DYNC1I1: variants seen among roughly 807,000 people sequenced by gnomAD.
DYNC1I1 encodes the protein dynein cytoplasmic 1 intermediate chain 1.
DYNC1I1 carries 43 observed loss-of-function variants against 86.6 expected under a neutral mutation model. The ratio of observed to expected loss-of-function variants is 0.50; its 90% CI spans 0.39 to 0.64. The LOEUF (loss-of-function observed/expected upper bound fraction) is 0.64, where lower values mean the gene tolerates loss of function less well. Ranked by LOEUF, DYNC1I1 falls within the 30% of genes least tolerant of loss-of-function variation. The probability of loss-of-function intolerance (pLI) is 0.00; values close to 1 mark genes in which losing one functional copy is unlikely to be tolerated. For missense variants in DYNC1I1, 604 were observed against 788.8 expected (o/e 0.77, Z 2.81); for synonymous variants, 262 against 283.7 (o/e 0.92, Z 0.77).
At position 95,780,647 on chromosome 7, in the gene DYNC1I1, A is replaced by G. The variant is rs181250297; in HGVS notation, c.-10+7874A>G. On this transcript the variant is annotated intron_variant, in intron 1 of 16. Coordinates refer to ENST00000447467, the MANE Select transcript of DYNC1I1 (RefSeq NM_001135556.2). ...TGAAATAGTACCCATTTCTTTGTCA[A>G]GATGAAGACTTCACTAATTGTAATG... Among the ~76,000 whole-genome samples the G allele has an allele frequency of 2.7e-4, 41 of 152,302 alleles. 1 individual carries two copies. The East Asian group carries it at 6.8e-3, about 25-fold the overall frequency.
At chr7:95,810,884 A>G (rs1181975495) in intron 3 of DYNC1I1, among the ~76,000 whole-genome samples, 1 of 152,152 alleles carries the variant, frequency 6.6e-6, no homozygotes, top group African/African-American at 2.4e-5. Context: ...TTGCCAATCT[A>G]AATACTGTGG....
chr7:96,008,514 G>A (rs1396113828), intron 10 of DYNC1I1, among the ~76,000 whole-genome samples: 1 of 152,096 alleles, frequency 6.6e-6, no homozygotes, highest in African/African-American at 2.4e-5. Flanking sequence ...TCATTTCTCT[G>A]TCGTACTTCA....
intron 16 of DYNC1I1, among the ~76,000 whole-genome samples, chr7:96,090,992 G>C (rs188138433): frequency 6.6e-6 from 1 of 152,136 alleles, no homozygotes; most frequent in Non-Finnish European, 1.5e-5. Context: ...ATGCTTGGTC[G>C]TTCAGTGGCT....
intron 6 of DYNC1I1, among the ~76,000 whole-genome samples, chr7:95,961,806 A>G (rs1356274388): frequency 1.3e-5 from 2 of 152,210 alleles, no homozygotes; most frequent in Non-Finnish European, 2.9e-5. Context: ...CTTATTTTAA[A>G]TGTAGTTGTT....
At chr7:96,081,785 A>G (rs1206210023) in intron 16 of DYNC1I1, among the ~76,000 whole-genome samples, 3 of 152,208 alleles carry the variant, frequency 2.0e-5, no homozygotes, top group Admixed American at 2.0e-4. Context: ...ATGACATATT[A>G]TATACTGCTA....
chr7:96,041,822 GA>G, intron 14 of DYNC1I1, among the ~76,000 whole-genome samples: 1 of 151,878 alleles, frequency 6.6e-6, no homozygotes, highest in Non-Finnish European at 1.5e-5. Context: ...GAAGCTAAAA[GA>G]AAAAAATAAT....
chr7:95,954,418 G>GCATTTC (rs1286149701), intron 6 of DYNC1I1, among the ~76,000 whole-genome samples: 6 of 151,938 alleles, frequency 3.9e-5, no homozygotes, highest in African/African-American at 9.7e-5. Flanking sequence ...ACAACATGGA[G>GCATTTC]CATTTCCATT....
chr7:95,946,862 A>G (rs1792415826), intron 6 of DYNC1I1, among the ~76,000 whole-genome samples: 1 of 152,152 alleles, frequency 6.6e-6, no homozygotes, highest in Non-Finnish European at 1.5e-5. Context: ...TGTGTGCTAT[A>G]GAGAAGAAAA....
rs1584239023 is a variant in DYNC1I1 at position 95,804,847 on chromosome 7, G to T, written c.108+10G>T. 1 of 1,542,032 alleles carries T rather than the reference G, an allele frequency of 6.5e-7. No individual in the cohort carries two copies. On this transcript the variant is annotated intron_variant, in intron 2 of 16. Transcript: ENST00000447467. ...GAGGAAAAAGAAAGAGGTAAATCCTGGGTGTTGGGGTGTTGTGGGGGAAAA... is the reference window on the plus strand; with the variant it reads ...GAGGAAAAAGAAAGAGGTAAATCCTTGGTGTTGGGGTGTTGTGGGGGAAAA...
At chr7:95,929,287 G>C (rs1222058403) in intron 6 of DYNC1I1, among the ~76,000 whole-genome samples, 3 of 152,042 alleles carry the variant, frequency 2.0e-5, no homozygotes, top group African/African-American at 4.8e-5. Context: ...TGTGATCTTT[G>C]CTCACAATGA....
intron 14 of DYNC1I1, among the ~76,000 whole-genome samples, chr7:96,062,873 G>A (rs1584290342): frequency 6.6e-6 from 1 of 152,130 alleles, no homozygotes; most frequent in Non-Finnish European, 1.5e-5. Context: ...CTGTCTTCAA[G>A]GCAGAACTGA....
intron 5 of DYNC1I1, among the ~76,000 whole-genome samples, chr7:95,855,584 A>G (rs1789697191): frequency 6.6e-6 from 1 of 152,194 alleles, no homozygotes; most frequent in African/African-American, 2.4e-5. Context: ...CCATTGGGAA[A>G]ACATCATAGA....
At chr7:95,951,222 C>T (rs953297212) in intron 6 of DYNC1I1, among the ~76,000 whole-genome samples, 3 of 152,152 alleles carry the variant, frequency 2.0e-5, no homozygotes, top group South Asian at 2.1e-4. Flanking sequence ...CTTATGCTCA[C>T]CCCCAAATCT....
intron 10 of DYNC1I1, among the ~76,000 whole-genome samples, chr7:96,012,878 TC>T (rs1441982742): frequency 6.6e-6 from 1 of 152,100 alleles, no homozygotes; most frequent in East Asian, 1.9e-4. Context: ...AAATTAAGGA[TC>T]TTTTTTTATT....
chr7:96,074,393 C>CA lies in DYNC1I1; in HGVS notation c.1510-1656dup, dbSNP rs531163639. Among the ~76,000 whole-genome samples, 130 of 151,312 alleles carry CA rather than the reference C, an allele frequency of 8.6e-4. 1 individual carries two copies. Among genetic ancestry groups the CA allele is most frequent in the Admixed American group, 7.7e-3 (117 of 15,212 alleles). ...TGAAACCCCATCTCTACTAAAAATA[C>CA]AAAAAAAAGTAGTCGGGCCTGGTGG... On this transcript the variant is annotated intron_variant, in intron 14 of 16. Coordinates refer to ENST00000447467, the MANE Select transcript of DYNC1I1 (RefSeq NM_001135556.2).
At chr7:95,980,778 G>T (rs2115659227) in intron 7 of DYNC1I1, among the ~76,000 whole-genome samples, 1 of 151,610 alleles carries the variant, frequency 6.6e-6, no homozygotes, top group Middle Eastern at 3.4e-3. Flanking sequence ...ACTTCTATAT[G>T]TCAGTGTCCT....
intron 5 of DYNC1I1, among the ~76,000 whole-genome samples, chr7:95,862,456 C>T (rs931177143): frequency 6.6e-6 from 1 of 152,004 alleles, no homozygotes; most frequent in African/African-American, 2.4e-5. Context: ...AAAAAAGATA[C>T]TCAACATCAT....
downstream of DYNC1I1, among the ~76,000 whole-genome samples, chr7:96,102,470 C>A (rs1037593085): frequency 2.6e-5 from 4 of 152,180 alleles, no homozygotes; most frequent in African/African-American, 4.8e-5. Flanking sequence ...TAAGAGCATG[C>A]TGGGCTCTTA....
intron 1 of DYNC1I1, among the ~76,000 whole-genome samples, chr7:95,787,803 G>A (rs1046226923): frequency 1.3e-5 from 2 of 152,172 alleles, no homozygotes; most frequent in Admixed American, 1.3e-4. Flanking sequence ...AGAGAAGATG[G>A]CAATGCAGGG....
Sources: gnomAD v4.1 joint callset for allele counts (sites outside exome capture counted in the v4.1 genomes callset) on GRCh38, gnomAD v4.1.1 for gene constraint, MANE v1.5 for transcripts, NCBI Gene and HGNC (gene_info 2026-07-23, HGNC 2026-07-21) for gene names.